Variants in MYOM1 observed in about 807,000 individuals in gnomAD.
MYOM1 encodes the protein myomesin-1.
Under a neutral mutation model 205.3 loss-of-function variants are expected in MYOM1, and 164 were observed. The ratio of observed to expected loss-of-function variants is 0.80; its 90% CI spans 0.70 to 0.91. MYOM1 has a LOEUF of 0.91. Ranked by LOEUF, MYOM1 falls within the 40% of genes least tolerant of loss-of-function variation. The pLI is 0.00. For synonymous variants in MYOM1, 772 were observed against 789.4 expected, an observed-to-expected ratio of 0.98 and a Z score of 0.37; for missense variants, 2,011 against 2,127.3, an observed-to-expected ratio of 0.95 and a Z score of 1.08.
chr18:3,214,846 G>T, intron 2 of MYOM1, 88 bp downstream of exon 2: 2 of 1,431,750 alleles, frequency 1.4e-6, no homozygotes, highest in Non-Finnish European at 1.8e-6. Context: ...AAACCGAACC[G>T]AAACAAAGCG....
chr18:3,232,675 G>T, the MYOM1 span, among the ~76,000 whole-genome samples: 1 of 152,108 alleles, frequency 6.6e-6, no homozygotes, highest in South Asian at 2.1e-4. Flanking sequence ...TCCCAACAAG[G>T]ATACTTATAC....
chr18:3,187,362 T>C (rs2070181547), intron 5 of MYOM1, 118 bp downstream of exon 5: 2 of 1,155,572 alleles, frequency 1.7e-6, no homozygotes, highest in African/African-American at 3.1e-5. Context: ...TTTAAAAACC[T>C]ATACAATCTT....
chr18:3,181,726 T>C (rs1407962963), intron 5 of MYOM1, among the ~76,000 whole-genome samples: 1 of 131,172 alleles, frequency 7.6e-6, no homozygotes, highest in Non-Finnish European at 1.6e-5. Flanking sequence ...TGGGTGAAAC[T>C]GAATAATTTT....
chr18:3,147,688 T>C (rs1429060337), intron 13 of MYOM1, among the ~76,000 whole-genome samples: 1 of 152,194 alleles, frequency 6.6e-6, no homozygotes, highest in African/African-American at 2.4e-5. Context: ...CAGAAATTGA[T>C]CCACACATAT....
the MYOM1 span, among the ~76,000 whole-genome samples, chr18:3,228,973 C>T: frequency 8.9e-3 from 1,354 of 152,320 alleles, 11 homozygotes; most frequent in Middle Eastern, 0.027. The surrounding 1 kb of genome is among the most constrained non-coding windows in gnomAD (Gnocchi z 4.5). Flanking sequence ...CCGCAGTTGT[C>T]CTTTCAATAA....
rs9953891 is a variant in MYOM1, at chr18:3,219,338, G to A, written c.-29+465C>T. Among the ~76,000 whole-genome samples, 4,115 of 152,016 alleles carry A rather than the reference G, an allele frequency of 0.027. 147 individuals carry two copies. Among genetic ancestry groups the A allele is most frequent in the African/African-American group, 0.086 (3,544 of 41,442 alleles). On this transcript the variant is annotated intron_variant, in intron 1 of 37. Transcript: ENST00000356443. This position sits in a 1 kb window ranked among gnomAD's most constrained non-coding sequence, Gnocchi z 4.4. Reference sequence around the variant, plus strand: ...CGCTCACATTTATCCACATTGCATCGTCACAGCAAGATCCCTGAATTATAA... The same window carrying A: ...CGCTCACATTTATCCACATTGCATCATCACAGCAAGATCCCTGAATTATAA...
chr18:3,090,539 TTAGA>T, intron 27 of MYOM1, 115 bp downstream of exon 27: 1 of 1,332,528 alleles, frequency 7.5e-7, no homozygotes, highest in African/African-American at 1.5e-5. Context: ...ATTTTGAACA[TTAGA>T]AGTCAATTAA....
intron 29 of MYOM1, among the ~76,000 whole-genome samples, chr18:3,088,920 A>C (rs2079188096): frequency 6.6e-6 from 1 of 152,240 alleles, no homozygotes; most frequent in Admixed American, 6.5e-5. Flanking sequence ...ATTACTAATT[A>C]GATAAAAGTC....
Position 3,163,838 on chromosome 18 carries a change from T to G in MYOM1, c.1501+440A>C, listed in dbSNP as rs897720029. ...CTTTTCTTTCTTTTTTTTTTGGTTT[T>G]GTTTTGTTTTGTTTCATTTTGTTTT... On this transcript the variant is annotated intron_variant, in intron 10 of 37. Transcript: ENST00000356443. 4.8e-5 allele frequency among the ~76,000 whole-genome samples: 6 copies of G among 125,262 alleles called. No homozygotes were observed. In the South Asian group the frequency reaches 7.2e-4, roughly 15 times the overall value. 82.2% of individuals were successfully genotyped at this position (125,262 alleles called of 152,430 possible).
At position 3,168,446 on chromosome 18, in the gene MYOM1, G is replaced by A. The variant is rs561112190; in HGVS notation, c.1339+371C>T. On this transcript the variant is annotated intron_variant, in intron 9 of 37. Coordinates refer to ENST00000356443, the MANE Select transcript of MYOM1 (RefSeq NM_003803.4). ...TGGGATTACAGGTGCACACCACCAC[G>A]CCTGGCTAATTTTCGTATTTTTAGT... Among the ~76,000 whole-genome samples, 8 of 152,184 alleles carry A rather than the reference G, an allele frequency of 5.3e-5. No homozygotes were observed. The East Asian group carries it at 5.8e-4, about 11-fold the overall frequency.
rs988366924 is a variant in MYOM1 at position 3,197,683 on chromosome 18, C to T, written c.291-3725G>A. The stretch of plus-strand genomic sequence containing the variant: ...GGTCAGGAGATCGAGACCATCCTAG[C>T]TAACATGGTGAAACCCCGTCTTTAC... On this transcript the variant is annotated intron_variant, in intron 2 of 37. Transcript: ENST00000356443. Among the ~76,000 whole-genome samples, 19 of 151,788 alleles carry T rather than the reference C, an allele frequency of 1.3e-4. No homozygotes were observed. In the East Asian group the frequency reaches 2.8e-3, roughly 22 times the overall value.
intron 19 of MYOM1, among the ~76,000 whole-genome samples, chr18:3,126,387 G>A (rs2079783398): frequency 6.6e-6 from 1 of 151,088 alleles, no homozygotes; most frequent in South Asian, 2.1e-4. Flanking sequence ...GAGGCTAGTG[G>A]CATATTAATT....
chr18:3,127,539 C>T (rs2079813272), intron 18 of MYOM1, among the ~76,000 whole-genome samples: 1 of 151,660 alleles, frequency 6.6e-6, no homozygotes, highest in Admixed American at 6.6e-5. Flanking sequence ...GAACTCCTGA[C>T]CTTAGGTGAT....
At chr18:3,242,045 T>G in the MYOM1 span, among the ~76,000 whole-genome samples, 156 of 152,326 alleles carry the variant, frequency 1.0e-3, 4 homozygotes, top group South Asian at 0.03. Context: ...GCTTTTAATT[T>G]TACAGGCTCA....
intron 3 of MYOM1, 71 bp downstream of exon 3, chr18:3,193,747 A>G: frequency 1.4e-6 from 2 of 1,434,602 alleles, no homozygotes; most frequent in African/African-American, 2.8e-5. Context: ...TTATGACTAT[A>G]ATCTGCCATT....
chr18:3,111,244 C>T (rs576939649), intron 22 of MYOM1, among the ~76,000 whole-genome samples: 7 of 130,324 alleles, frequency 5.4e-5, no homozygotes, highest in East Asian at 2.4e-4. Context: ...GCCTGGCCTC[C>T]GGTGCTTTCC....
At chr18:3,237,652 G>A in the MYOM1 span, among the ~76,000 whole-genome samples, 4 of 150,316 alleles carry the variant, frequency 2.7e-5, no homozygotes, top group Non-Finnish European at 5.9e-5. Context: ...TTACAACATC[G>A]GTGAACCTCA....
intron 10 of MYOM1, among the ~76,000 whole-genome samples, chr18:3,157,624 C>G (rs1173557765): frequency 6.6e-6 from 1 of 151,136 alleles, no homozygotes; most frequent in Non-Finnish European, 1.5e-5. Flanking sequence ...CTGCAGTAAG[C>G]TATGATTGCA....
chr18:3,151,649 T>C (rs530120324), intron 12 of MYOM1, 45 bp downstream of exon 12: 6 of 1,526,224 alleles, frequency 3.9e-6, no homozygotes, highest in South Asian at 1.3e-5. Context: ...TTGCAGTCAT[T>C]TTAAAAAGGT....
Sources: allele counts gnomAD v4.1 joint callset (sites outside exome capture counted in the v4.1 genomes callset), GRCh38; gene constraint gnomAD v4.1.1; non-coding constraint Gnocchi (gnomAD v3.1); transcripts MANE v1.5; gene names NCBI Gene and HGNC (gene_info 2026-07-23, HGNC 2026-07-21).